The following CCT7 variants were observed in gnomAD, a reference collection of about 807,000 sequenced individuals.
The protein encoded by CCT7 is T-complex protein 1 subunit eta.
CCT7 carries 16 observed loss-of-function variants against 56.6 expected under a neutral mutation model. The ratio of observed to expected loss-of-function variants is 0.28; its 90% confidence interval spans 0.19 to 0.43. The LOEUF (loss-of-function observed/expected upper bound fraction) is 0.43, where lower values mean the gene tolerates loss of function less well. Ranked by LOEUF, CCT7 falls within the 20% of genes least tolerant of loss-of-function variation. CCT7 has a pLI of 1.00. For missense variants in CCT7, 519 were observed against 685.6 expected (o/e 0.76, Z 2.71); for synonymous variants, 262 against 254.8 (o/e 1.03, Z -0.27).
Position 73,252,765 on chromosome 2 carries a change from G to A in CCT7, c.1536G>A (p.Leu512=), listed in dbSNP as rs201584918. The A allele has an allele frequency of 1.7e-5, 27 of 1,614,044 alleles. No homozygotes were observed. The highest frequency in any genetic ancestry group is 2.3e-5 in the Non-Finnish European group (27 of 1,180,026). ...ALTAASEAAC[L]IVSVDETIKN... is the part of the protein sequence containing the mutation. ...CAGCAGCCTCTGAGGCTGCGTGCCT[G>A]ATCGTGTCTGTAGATGAAACCATCA... The change falls in exon 12 of 12, where the codon CTG becomes CTA. Residue 512 remains leucine, a synonymous_variant. Coordinates refer to ENST00000258091, the MANE Select transcript of CCT7 (RefSeq NM_006429.4).
intron 2 of CCT7, 27 bp downstream of exon 2, chr2:73,239,823 G>A (rs1298285524): frequency 1.2e-5 from 19 of 1,611,064 alleles, no homozygotes; most frequent in Middle Eastern, 3.3e-4. Context: ...CCTCAGGCCT[G>A]TGTGCAGGAA....
chr2:73,245,787 C>T (rs1687308114), intron 6 of CCT7, among the ~76,000 whole-genome samples: 1 of 152,188 alleles, frequency 6.6e-6, no homozygotes. Flanking sequence ...CCTATTGTGG[C>T]ACATGTCAGA....
chr2:73,236,901 G>C (rs1345014986), intron 1 of CCT7, among the ~76,000 whole-genome samples: 1 of 152,202 alleles, frequency 6.6e-6, no homozygotes, highest in Non-Finnish European at 1.5e-5. Context: ...AGCTCTTCTT[G>C]CATTGTGCTT....
chr2:73,250,522 T>G (rs936048275), intron 10 of CCT7, 84 bp downstream of exon 10: 1 of 1,503,860 alleles, frequency 6.6e-7, no homozygotes, highest in African/African-American at 1.4e-5. Flanking sequence ...GTGTGGTGAT[T>G]CCTTCTCTAT....
chr2:73,251,446 C>T lies in CCT7; in HGVS notation c.1410+14C>T, dbSNP rs1051409411. The T allele has an allele frequency of 5.0e-6, 8 of 1,591,060 alleles. 1 individual carries two copies. The highest frequency in any genetic ancestry group is 6.0e-6 in the Non-Finnish European group (7 of 1,161,748). Reference sequence around the variant, plus strand: ...CGGCATGCCCAGGTGGGTCCTTTCTCTCCCCAGGGTTCAGGGTTTGGGCGG... The same window carrying T: ...CGGCATGCCCAGGTGGGTCCTTTCTTTCCCCAGGGTTCAGGGTTTGGGCGG... On this transcript the variant is annotated intron_variant, in intron 11 of 11. Coordinates refer to ENST00000258091, the MANE Select transcript of CCT7 (RefSeq NM_006429.4).
intron 1 of CCT7, among the ~76,000 whole-genome samples, chr2:73,235,349 C>T (rs1686831749): frequency 6.6e-6 from 1 of 152,186 alleles, no homozygotes; most frequent in Non-Finnish European, 1.5e-5. Flanking sequence ...GCTTTCTGTG[C>T]ACTTGGCAGT....
chr2:73,239,994 A>C, intron 2 of CCT7, 198 bp downstream of exon 2: 1 of 527,598 alleles, frequency 1.9e-6, no homozygotes, highest in Admixed American at 3.6e-5. Flanking sequence ...ACCTAGGCTC[A>C]GGAGCCTGTT....
chr2:73,244,013 A>G lies in CCT7; in HGVS notation c.410A>G (p.Lys137Arg), dbSNP rs769560544. The G allele has an allele frequency of 1.2e-6, 2 of 1,613,768 alleles. No homozygotes were observed. The highest frequency in any genetic ancestry group is 1.1e-5 in the South Asian group (1 of 91,050). ...TCTTGGCAGGCAGTTAACAAGATCA[A>G]AGAGATTGCTGTGACCGTGAAGAAG... ...TATQLAVNKIKEIAVTVKKAD... is the reference protein window; with the variant it reads ...TATQLAVNKIREIAVTVKKAD... The change falls in exon 5 of 12, where the codon AAA (lysine) becomes AGA (arginine). Residue 137 changes from lysine to arginine, a missense_variant. Physicochemically the swap from Lys to Arg is conservative, Grantham distance 26. Around this residue, in one of 3 missense-constraint regions of CCT7, gnomAD observed 276 missense variants for 357.3 expected, o/e 0.77. Coordinates refer to ENST00000258091, the MANE Select transcript of CCT7 (RefSeq NM_006429.4).
At chr2:73,251,907 C>T (rs886647311) in intron 11 of CCT7, among the ~76,000 whole-genome samples, 2 of 151,866 alleles carry the variant, frequency 1.3e-5, no homozygotes, top group African/African-American at 2.4e-5. Flanking sequence ...CCGCTGCACT[C>T]CAGCCCGGGT....
chr2:73,249,826 G>A lies in CCT7; in HGVS notation c.980G>A (p.Gly327Glu), dbSNP rs1287483060. The part of the protein sequence containing the change: ...EDLKRTMMAC[G>E]GSIQTSVNAL... ...GCCTTCCTTGCTCCCTAGGCCTGTG[G>A]AGGCTCAATCCAGACCAGTGTGAAT... The change falls in exon 9 of 12, where the codon GGA becomes GAA. Residue 327 changes from glycine to glutamate, a missense_variant. This residue lies in a region of CCT7 where 237 missense variants were observed against 300.8 expected (regional missense o/e 0.79). Coordinates refer to ENST00000258091, the MANE Select transcript of CCT7 (RefSeq NM_006429.4). The A allele has an allele frequency of 6.2e-7, 1 of 1,612,666 alleles. No individual in the cohort carries two copies. Among genetic ancestry groups the A allele is most frequent in the East Asian group, 2.2e-5 (1 of 44,850 alleles).
intron 1 of CCT7, among the ~76,000 whole-genome samples, chr2:73,236,217 C>T (rs1191947518): frequency 1.3e-5 from 2 of 152,136 alleles, no homozygotes; most frequent in Non-Finnish European, 2.9e-5. Context: ...GTTTTGTAAG[C>T]CATTAAGCTT....
intron 3 of CCT7, among the ~76,000 whole-genome samples, chr2:73,241,975 A>T (rs1687136417): frequency 6.6e-6 from 1 of 151,982 alleles, no homozygotes; most frequent in African/African-American, 2.4e-5. Context: ...TCCTGACCTC[A>T]GGTGATCAGC....
At chr2:73,247,693 G>T in intron 6 of CCT7, 69 bp from the exon 7 acceptor site, 1 of 1,437,932 alleles carries the variant, frequency 7.0e-7, no homozygotes, top group East Asian at 2.3e-5. Context: ...GCACTAGCCA[G>T]CAAACAACTA....
At chr2:73,249,712 T>C in intron 8 of CCT7, 107 bp from the exon 9 acceptor site, 1 of 763,876 alleles carries the variant, frequency 1.3e-6, no homozygotes. Context: ...GCGGGTAATG[T>C]AGAGGCTCTG....
chr2:73,247,857 C>G lies in CCT7; in HGVS notation c.714C>G (p.Ala238=), dbSNP rs764120112. Residue 238 remains alanine (A), a synonymous_variant, in exon 7 of 12, where the codon GCC becomes GCG. Transcript: ENST00000258091. ...AAAAGTACCACAATCCCAAGATTGC[C>G]CTTTTGAATGTCGAGCTCGAGTTGA... is the stretch of plus-strand genomic sequence containing the variant. ...QPKKYHNPKI[A]LLNVELELKA... 1 of 1,614,108 alleles carries G rather than the reference C, an allele frequency of 6.2e-7. No homozygotes were observed. Among genetic ancestry groups the G allele is most frequent in the African/African-American group, 1.3e-5 (1 of 75,022 alleles).
At chr2:73,238,500 T>C (rs1032750133) in intron 1 of CCT7, among the ~76,000 whole-genome samples, 10 of 152,268 alleles carry the variant, frequency 6.6e-5, no homozygotes, top group Non-Finnish European at 1.0e-4. Flanking sequence ...TTGGGAAAGC[T>C]CTGTGCTTTC....
At chr2:73,251,768 T>C (rs1337743225) in intron 11 of CCT7, among the ~76,000 whole-genome samples, 1 of 152,174 alleles carries the variant, frequency 6.6e-6, no homozygotes, top group Non-Finnish European at 1.5e-5. Flanking sequence ...TGAAACCCTA[T>C]GTCTACTAAA....
In CCT7 at chr2:73,251,570, A is replaced by G. The variant is rs1009188580; in HGVS notation, c.1410+138A>G. The stretch of plus-strand genomic sequence containing the variant: ...TCCCCCCAGCCTGTCTGCCTGACCA[A>G]CTCCCTCCTCTGAGGGCAGAAGGAA... On this transcript the variant is annotated intron_variant, in intron 11 of 11. Transcript: ENST00000258091. 14 of 703,652 alleles carry G rather than the reference A, an allele frequency of 2.0e-5. No homozygotes were observed. The African/African-American group carries it at 2.3e-4, about 12-fold the overall frequency. The allele number at this position is 703,652 out of a possible 1,614,324, so 43.6% of individuals were successfully genotyped here.
rs946196349 is a variant in CCT7 at position 73,241,839 on chromosome 2, C to G, written c.268-1165C>G. On this transcript the variant is annotated intron_variant, in intron 3 of 11. Transcript: ENST00000258091. Reference sequence around the variant, plus strand: ...CACTGCAACCTCCGCCTCCTGGGATCAAGCAATTCTCTTGCCTCAGCCTCC... The same window carrying G: ...CACTGCAACCTCCGCCTCCTGGGATGAAGCAATTCTCTTGCCTCAGCCTCC... Among the ~76,000 whole-genome samples, 32 of 151,354 alleles carry G rather than the reference C, an allele frequency of 2.1e-4. No homozygotes were observed. In the South Asian group the frequency reaches 2.3e-3, roughly 11 times the overall value.
Sources: allele counts gnomAD v4.1 joint callset (sites outside exome capture counted in the v4.1 genomes callset), GRCh38; gene constraint gnomAD v4.1.1; regional missense constraint gnomAD v4.1.1; transcripts MANE v1.5; gene names NCBI Gene and HGNC (gene_info 2026-07-23, HGNC 2026-07-21).